DNAH12: variants seen among roughly 807,000 people sequenced by gnomAD.
DNAH12 encodes the protein dynein axonemal heavy chain 12.
Under a neutral mutation model 371.5 loss-of-function variants are expected in DNAH12, and 285 were observed. The ratio of observed to expected loss-of-function variants is 0.77; its 90% CI spans 0.70 to 0.85. The LOEUF (loss-of-function observed/expected upper bound fraction) is 0.85. DNAH12 is among the 40% of genes least tolerant of loss of function. DNAH12 has a pLI of 0.00. For synonymous variants in DNAH12, 1,200 were observed against 1,213.0 expected (o/e 0.99, Z 0.22); for missense variants, 3,611 against 3,689.4 (o/e 0.98, Z 0.55).
At chr3:57,436,621 T>C (rs1200684605) in intron 30 of DNAH12, among the ~76,000 whole-genome samples, 1 of 152,228 alleles carries the variant, frequency 6.6e-6, no homozygotes, top group Non-Finnish European at 1.5e-5. Flanking sequence ...CTACCATGCA[T>C]CGTCACCTAG....
chr3:57,428,431 G>A lies in DNAH12; in HGVS notation c.5253+202C>T, dbSNP rs2064850538. ...TTTTAAAATTTTAGACACTATGGTT[G>A]TATACAAATAGTTTAGCTGGAATAA... On this transcript the variant is annotated intron_variant, in intron 34 of 73. Coordinates refer to ENST00000495027, the MANE Select transcript of DNAH12 (RefSeq NM_001366028.2). The A allele has an allele frequency of 3.9e-6, 6 of 1,522,148 alleles. No homozygotes were observed. The African/African-American group carries it at 5.6e-5, about 14-fold the overall frequency. 94.3% of individuals were successfully genotyped at this position (1,522,148 alleles called of 1,614,324 possible).
intron 60 of DNAH12, among the ~76,000 whole-genome samples, chr3:57,339,167 G>A (rs2062324889): frequency 6.6e-6 from 1 of 152,150 alleles, no homozygotes; most frequent in Non-Finnish European, 1.5e-5. Context: ...TTAAACAGAT[G>A]CTTGAAGGCA....
intron 11 of DNAH12, among the ~76,000 whole-genome samples, chr3:57,491,303 C>T (rs1424498568): frequency 6.6e-6 from 1 of 151,942 alleles, no homozygotes; most frequent in Non-Finnish European, 1.5e-5. Context: ...CAAGAAATGT[C>T]AGGGTAATAG....
At chr3:57,338,723 G>A (rs1255219736) in intron 60 of DNAH12, among the ~76,000 whole-genome samples, 1 of 150,876 alleles carries the variant, frequency 6.6e-6, no homozygotes, top group African/African-American at 2.4e-5. Context: ...TGGGGGTGAG[G>A]AGCGCCTCTG....
At position 57,403,434 on chromosome 3, in the gene DNAH12, C is replaced by T. The variant is rs1553679793; in HGVS notation, c.6823G>A (p.Val2275Ile). The change falls in exon 43 of 74, where the codon GTT (valine) becomes ATT (isoleucine). Residue 2275 changes from valine to isoleucine, a missense_variant. Around this residue, in one of 3 missense-constraint regions of DNAH12, gnomAD observed 2,266 missense variants for 2,236.9 expected, o/e 1.01. Transcript: ENST00000495027. ...TGACGACCACTTCCTCCAAGACCAA[C>T]AAGCAAAGCATTTCCACCAGATTGC... ...LKQSGGNALL[V>I]GLGGSGRQSL... 1.3e-6 allele frequency: 2 copies of T among 1,551,328 alleles called. No individual in the cohort carries two copies. Among genetic ancestry groups the T allele is most frequent in the African/African-American group, 1.4e-5 (1 of 73,026 alleles).
chr3:57,337,355 T>A (rs1258231794), intron 60 of DNAH12, among the ~76,000 whole-genome samples: 2 of 150,150 alleles, frequency 1.3e-5, no homozygotes, highest in Admixed American at 1.3e-4. Context: ...ATAATAAAAT[T>A]TTTGTAAAAG....
intron 25 of DNAH12, among the ~76,000 whole-genome samples, chr3:57,448,238 G>A (rs558609711): frequency 6.8e-4 from 104 of 152,292 alleles, no homozygotes; most frequent in African/African-American, 2.4e-3. Context: ...ATGGTCGGAT[G>A]TGTTGGGAGT....
chr3:57,316,718 G>A (rs1337151475), intron 65 of DNAH12, among the ~76,000 whole-genome samples: 1 of 152,156 alleles, frequency 6.6e-6, no homozygotes, highest in Admixed American at 6.5e-5. Flanking sequence ...TCTTGTGATA[G>A]TGAGTTCTCA....
At chr3:57,476,039 G>T (rs1440947555) in intron 13 of DNAH12, among the ~76,000 whole-genome samples, 1 of 152,054 alleles carries the variant, frequency 6.6e-6, no homozygotes, top group Admixed American at 6.6e-5. Context: ...ATAAATTATT[G>T]TATACAATGT....
At chr3:57,346,902 A>C (rs1295636037) in intron 60 of DNAH12, among the ~76,000 whole-genome samples, 2 of 73,156 alleles carry the variant, frequency 2.7e-5, no homozygotes, top group Admixed American at 1.2e-4. Context: ...AGAATCTCCC[A>C]AAACTCTCAC....
rs1401708748 is a variant in DNAH12 at position 57,309,155 on chromosome 3, TA to T, written c.11184del (p.Phe3728LeufsTer4). ...NTVLVQEMER[F>X]NNLIITIRNT... is the part of the protein sequence containing the mutation. Reference sequence around the variant, plus strand: ...ACTGGGGATATAGATCCTTACTTGTTAAATCTTTCCATTTCTTGTACTAACA... The same window carrying T: ...ACTGGGGATATAGATCCTTACTTGTTAATCTTTCCATTTCTTGTACTAACA... On this transcript the variant is annotated frameshift_variant, in exon 69 of 74. Coordinates refer to ENST00000495027, the MANE Select transcript of DNAH12 (RefSeq NM_001366028.2). LOFTEE classifies it high-confidence loss of function. 1 of 1,540,332 alleles carries T rather than the reference TA, an allele frequency of 6.5e-7. No individual in the cohort carries two copies.
At chr3:57,370,121 T>TA (rs1251822409) in intron 55 of DNAH12, among the ~76,000 whole-genome samples, 1 of 152,134 alleles carries the variant, frequency 6.6e-6, no homozygotes, top group Admixed American at 6.6e-5. Flanking sequence ...ACAGAGGTGG[T>TA]AATTTGGAGG....
chr3:57,491,988 T>C (rs1277058542), intron 11 of DNAH12, among the ~76,000 whole-genome samples: 1 of 148,780 alleles, frequency 6.7e-6, no homozygotes, highest in Non-Finnish European at 1.5e-5. Context: ...CCTGAGTGAC[T>C]GAGACTCTGT....
At chr3:57,430,083 T>G (rs2064910921) in intron 32 of DNAH12, among the ~76,000 whole-genome samples, 1 of 152,216 alleles carries the variant, frequency 6.6e-6, no homozygotes, top group African/African-American at 2.4e-5. Context: ...TATCGGCTAT[T>G]AAGAAAATTA....
intron 30 of DNAH12, among the ~76,000 whole-genome samples, chr3:57,436,513 C>T (rs941947893): frequency 2.6e-5 from 4 of 152,106 alleles, no homozygotes; most frequent in African/African-American, 9.7e-5. Context: ...CTGATAAGCC[C>T]ACTATTGTGC....
At chr3:57,503,865 G>C in intron 9 of DNAH12, 151 bp downstream of exon 9, 1 of 638,822 alleles carries the variant, frequency 1.6e-6, no homozygotes, top group Non-Finnish European at 2.5e-6. Flanking sequence ...GCCTTCAAGC[G>C]ACTTTTTCAA....
At chr3:57,368,367 A>G (rs2063095305) in intron 55 of DNAH12, 107 bp from the exon 56 acceptor site, 1 of 152,136 alleles carries the variant, frequency 6.6e-6, no homozygotes, top group Non-Finnish European at 1.5e-5. Context: ...AGTATTTCAC[A>G]TACATTATCA....
chr3:57,499,672 A>ATATATATATATATATT, intron 11 of DNAH12, among the ~76,000 whole-genome samples: 1 of 70,074 alleles, frequency 1.4e-5, no homozygotes, highest in African/African-American at 5.1e-5. Flanking sequence ...ATATATATAT[A>ATATATATATATATATT]TATACTTCTT....
chr3:57,344,856 T>C, intron 60 of DNAH12, among the ~76,000 whole-genome samples: 1 of 152,156 alleles, frequency 6.6e-6, no homozygotes, highest in East Asian at 1.9e-4. Flanking sequence ...TAGTATTCAA[T>C]AGCACTGTAG....
Sources: gnomAD v4.1 joint callset for allele counts (sites outside exome capture counted in the v4.1 genomes callset) on GRCh38, gnomAD v4.1.1 for gene constraint, gnomAD v4.1.1 regional missense constraint, MANE v1.5 for transcripts, NCBI Gene and HGNC (gene_info 2026-07-23, HGNC 2026-07-21) for gene names.